The following CLCN7 variants were observed in gnomAD, a reference collection of about 807,000 sequenced individuals.
CLCN7 encodes H(+)/Cl(-) exchange transporter 7.
In CLCN7, 60 loss-of-function variants were observed where a neutral mutation model predicts 102.1. The observed-to-expected ratio is 0.59, with a 90% CI of 0.48 to 0.73. The LOEUF is 0.73. CLCN7 is among the 30% of genes least tolerant of loss of function. The probability of loss-of-function intolerance (pLI) is 0.00; values close to 1 mark genes in which losing one functional copy is unlikely to be tolerated. For synonymous variants in CLCN7, 560 were observed against 490.5 expected (o/e 1.14, Z -1.87); for missense variants, 962 against 1,125.7 (o/e 0.85, Z 2.08).
intron 1 of CLCN7, among the ~76,000 whole-genome samples, chr16:1,469,223 A>G (rs1301322500): frequency 6.6e-6 from 1 of 152,092 alleles, no homozygotes; most frequent in Non-Finnish European, 1.5e-5. Context: ...TAAATAAAAT[A>G]AAACAAAATA....
chr16:1,457,302 G>C lies in CLCN7; in HGVS notation c.774C>G (p.Ala258=), dbSNP rs376136801. The part of the protein sequence containing the change: ...GPMIHSGSVI[A]AGISQGRSTS... ...TTGACCTTCCCTGAGAGATCCCGGC[G>C]GCAATCACTGAACCTGAGTGGATCA... is the stretch of plus-strand genomic sequence containing the variant. Residue 258 remains alanine, a synonymous_variant, in exon 9 of 25, where the codon GCC becomes GCG. Transcript: ENST00000382745. This position sits in a 1 kb window ranked among gnomAD's most constrained non-coding sequence, Gnocchi z 5.4. 1.1e-5 allele frequency: 18 copies of C among 1,613,928 alleles called. No individual in the cohort carries two copies. Among genetic ancestry groups the C allele is most frequent in the Non-Finnish European group, 1.5e-5 (18 of 1,180,042 alleles).
intron 11 of CLCN7, 166 bp downstream of exon 11, chr16:1,455,565 C>A: frequency 1.3e-6 from 1 of 794,444 alleles, no homozygotes. Flanking sequence ...GCGAACTGGG[C>A]AGCAAAGGCA....
intron 1 of CLCN7, among the ~76,000 whole-genome samples, chr16:1,473,519 G>A (rs888976261): frequency 3.3e-5 from 5 of 150,898 alleles, no homozygotes; most frequent in East Asian, 2.0e-4. Context: ...GACTACAGGC[G>A]CCCGCCACCA....
intron 7 of CLCN7, among the ~76,000 whole-genome samples, chr16:1,458,278 CCACAAGGGCGCAGACCCTAAA>C (rs1486505090): frequency 6.6e-6 from 1 of 152,260 alleles, no homozygotes; most frequent in African/African-American, 2.4e-5. Flanking sequence ...AGGGCAGAAC[CCACAAGGGCGCAGACCCTAAA>C]CACAAGGGCG....
Position 1,460,410 on chromosome 16 carries a change from C to A in CLCN7, c.594+8G>T. The A allele has an allele frequency of 6.2e-7, 1 of 1,606,582 alleles. No individual in the cohort carries two copies. The highest frequency in any genetic ancestry group is 8.5e-7 in the Non-Finnish European group (1 of 1,173,784). ...GGTCCGCCATAGCTGCGGCATCCTG[C>A]CACCCACCTCTATGAAAGCCACAAT... On this transcript the variant is annotated splice_region_variant and intron_variant, in intron 6 of 24. Coordinates refer to ENST00000382745, the MANE Select transcript of CLCN7 (RefSeq NM_001287.6).
Position 1,474,881 on chromosome 16 carries a change from CG to C in CLCN7, c.93del (p.Thr34ArgfsTer4). 6.9e-7 allele frequency: 1 copy of C among 1,447,644 alleles called. No individual in the cohort carries two copies. The highest frequency in any genetic ancestry group is 1.3e-5 in the South Asian group (1 of 75,228). The allele number at this position is 1,447,644 out of a possible 1,614,324, so 89.7% of individuals were successfully genotyped here. A position where few individuals can be genotyped will look rare whatever the true frequency, so the allele number is the denominator to read the frequency against. On this transcript the variant is annotated frameshift_variant, in exon 1 of 25. Coordinates refer to ENST00000382745, the MANE Select transcript of CLCN7 (RefSeq NM_001287.6). LOFTEE classifies it high-confidence loss of function. ...GCCCCGTTCAGCAGCGGCGTCCCCC[CG>C]CCGGGCCGCGCCGTCCTCCGCAGCA... ...APLLRRTARPGGGTPLLNGAG... is the reference protein window; with the variant it reads ...APLLRRTARPXGGTPLLNGAG...
intron 15 of CLCN7, chr16:1,452,506 T>C: frequency 1.8e-6 from 1 of 544,984 alleles, no homozygotes; most frequent in Non-Finnish European, 3.3e-6. Context: ...CAGGCTGCCA[T>C]TCTGGGAAGA....
At chr16:1,458,269 G>A (rs1259814344) in intron 7 of CLCN7, among the ~76,000 whole-genome samples, 4 of 152,236 alleles carry the variant, frequency 2.6e-5, no homozygotes, top group Admixed American at 2.6e-4. Flanking sequence ...CCCTGCCCCA[G>A]GGCAGAACCC....
Position 1,447,017 on chromosome 16 carries a change from T to G in CLCN7, c.2320A>C (p.Asn774His). 1.9e-6 allele frequency: 3 copies of G among 1,598,286 alleles called. No homozygotes were observed. The highest frequency in any genetic ancestry group is 2.6e-6 in the Non-Finnish European group (3 of 1,176,192). ...LGLRHLVVVD[N>H]RNQVVGLVTR... is the part of the protein sequence containing the mutation. ...CCGCCCCCGCTCACCTGATTGCGGT[T>G]GTCCACCACCACCAGGTGCCGCAGG... Residue 774 changes from asparagine (N) to histidine (H), a missense_variant, in exon 24 of 25, where the codon AAC becomes CAC. Asn to His is a moderately conservative substitution (Grantham distance 68, BLOSUM62 1). Around this residue, in one of 2 missense-constraint regions of CLCN7, gnomAD observed 799 missense variants for 988.0 expected, o/e 0.81. Transcript: ENST00000382745.
Position 1,465,256 on chromosome 16 carries a change from C to T in CLCN7, c.213+11G>A, listed in dbSNP as rs377645346. Reference sequence around the variant, plus strand: ...AGCTCTGCGGGAGGACGGGGAACACCCCCAACTCACCGGGTCCAAAAGTTC... The same window carrying T: ...AGCTCTGCGGGAGGACGGGGAACACTCCCAACTCACCGGGTCCAAAAGTTC... On this transcript the variant is annotated intron_variant, in intron 2 of 24. Transcript: ENST00000382745. The T allele has an allele frequency of 4.2e-5, 68 of 1,612,566 alleles. No individual in the cohort carries two copies. The highest frequency in any genetic ancestry group is 3.5e-4 in the Middle Eastern group (2 of 5,738).
At chr16:1,468,735 C>G (rs187479351) in intron 1 of CLCN7, among the ~76,000 whole-genome samples, 5 of 133,504 alleles carry the variant, frequency 3.7e-5, no homozygotes, top group Non-Finnish European at 8.3e-5. Flanking sequence ...GCCTGCACCC[C>G]CTTCCTGGTG....
chr16:1,451,242 G>A (rs141477296), intron 16 of CLCN7, among the ~76,000 whole-genome samples: 11 of 152,302 alleles, frequency 7.2e-5, no homozygotes, highest in African/African-American at 1.9e-4. Flanking sequence ...GGGTCTCGCT[G>A]TGTCACCCAG....
Position 1,465,301 on chromosome 16 carries a change from C to A in CLCN7, c.179G>T (p.Ser60Ile). ...AAGTTCATCATCCAGCTCCACGCTG[C>A]TCATATGTCCGACTCGGAAAAGCGC... ...RSALFRVGHM[S>I]SVELDDELLD... Residue 60 changes from serine to isoleucine, a missense_variant, in exon 2 of 25, where the codon AGC (serine) becomes ATC (isoleucine). Physicochemically the swap from Ser to Ile is moderately radical, Grantham distance 142. Transcript: ENST00000382745. The A allele has an allele frequency of 6.2e-7, 1 of 1,613,912 alleles. No individual in the cohort carries two copies. The highest frequency in any genetic ancestry group is 1.1e-5 in the South Asian group (1 of 91,030).
At chr16:1,448,171 C>T (rs2038683209) in intron 21 of CLCN7, 184 bp downstream of exon 21, 1 of 842,792 alleles carries the variant, frequency 1.2e-6, no homozygotes, top group Non-Finnish European at 1.9e-6. Flanking sequence ...GCCGCAGCCC[C>T]CCCCACCAGC....
chr16:1,446,425 G>A lies in CLCN7; in HGVS notation c.*206C>T, dbSNP rs1344938228. On this transcript the variant is annotated 3_prime_UTR_variant, in exon 25 of 25. Coordinates refer to ENST00000382745, the MANE Select transcript of CLCN7 (RefSeq NM_001287.6). The stretch of plus-strand genomic sequence containing the variant: ...GGAGGCTGGGCCTGCGCAAGGAGGC[G>A]CCAAGGGGGGAGACCACTGCCCACA... 5.7e-6 allele frequency: 4 copies of A among 703,286 alleles called. No individual in the cohort carries two copies. Among genetic ancestry groups the A allele is most frequent in the Admixed American group, 2.0e-5 (1 of 50,006 alleles). 43.6% of individuals were successfully genotyped at this position (703,286 alleles called of 1,614,324 possible).
intron 2 of CLCN7, among the ~76,000 whole-genome samples, chr16:1,464,270 G>A (rs1330284650): frequency 2.0e-5 from 3 of 152,170 alleles, no homozygotes; most frequent in Non-Finnish European, 4.4e-5. Context: ...GCGTGTGGCC[G>A]GCCAGGCACC....
chr16:1,460,271 T>A (rs969337572), intron 6 of CLCN7, 147 bp downstream of exon 6: 22 of 681,402 alleles, frequency 3.2e-5, no homozygotes, highest in East Asian at 5.6e-5. Flanking sequence ...CCTGAGGTTG[T>A]GAGTCTGGAC....
chr16:1,455,291 C>T (rs377590049), intron 11 of CLCN7, 41 bp from the exon 12 acceptor site: 4 of 1,282,950 alleles, frequency 3.1e-6, no homozygotes, highest in African/African-American at 2.9e-5. Flanking sequence ...CAGAGCCACG[C>T]TCCCAGCCCA....
chr16:1,461,331 G>A, intron 4 of CLCN7, 74 bp downstream of exon 4: 1 of 1,334,780 alleles, frequency 7.5e-7, no homozygotes, highest in Non-Finnish European at 1.0e-6. Context: ...CACCCCGGCA[G>A]AAGAGCAGCC....
Sources: gnomAD v4.1 joint callset for allele counts (sites outside exome capture counted in the v4.1 genomes callset) on GRCh38, gnomAD v4.1.1 for gene constraint, gnomAD v4.1.1 regional missense constraint, Gnocchi (gnomAD v3.1) non-coding constraint, MANE v1.5 for transcripts, NCBI Gene and HGNC (gene_info 2026-07-23, HGNC 2026-07-21) for gene names.